The following STPG1 variants were observed in gnomAD, a reference collection of about 807,000 sequenced individuals.
STPG1 encodes the protein sperm tail PG-rich repeat containing 1.
STPG1 carries 33 observed loss-of-function variants against 40.1 expected under a neutral mutation model. The observed-to-expected ratio is 0.82, with a 90% CI of 0.62 to 1.10. STPG1 has a LOEUF of 1.10. Ranked by LOEUF, STPG1 falls within the 50% of genes least tolerant of loss-of-function variation. The pLI is 0.00. For missense variants in STPG1, 396 were observed against 415.1 expected (o/e 0.95, Z 0.40); for synonymous variants, 150 against 155.0 (o/e 0.97, Z 0.24).
Position 24,357,768 on chromosome 1 carries a change from T to C in STPG1, c.*775A>G, listed in dbSNP as rs1640817107. 1 of 192,726 alleles carries C rather than the reference T, an allele frequency of 5.2e-6. No homozygotes were observed. Among genetic ancestry groups the C allele is most frequent in the Admixed American group, 5.3e-5 (1 of 18,884 alleles). The allele number at this position is 192,726 out of a possible 1,614,324, so 11.9% of individuals were successfully genotyped here. A position where few individuals can be genotyped will look rare whatever the true frequency, so the allele number is the denominator to read the frequency against. On this transcript the variant is annotated 3_prime_UTR_variant, in exon 9 of 9. Coordinates refer to ENST00000337248, the MANE Select transcript of STPG1 (RefSeq NM_001199013.2). ...GGGCACATTTCTTTTTCCCTCCACA[T>C]AGAGAGACGAAAGCTATCAGGCCTA...
intron 2 of STPG1, among the ~76,000 whole-genome samples, chr1:24,392,716 TGGCACC>T (rs1642829330): frequency 6.6e-6 from 1 of 152,186 alleles, no homozygotes; most frequent in East Asian, 1.9e-4. Flanking sequence ...AGCGTGTGTG[TGGCACC>T]GTAAGTCTTG....
At position 24,379,822 on chromosome 1, in the gene STPG1, C is replaced by T. The variant is rs145294929; in HGVS notation, c.293G>A (p.Cys98Tyr). The stretch of plus-strand genomic sequence containing the variant: ...AGAAATGATGGTGTCCAATCGGGCG[C>T]ACTGTAAGGAGACAACCAAAGGAAT... ...KKGTCMFPSMCARLDTIISKY... is the reference protein window; with the variant it reads ...KKGTCMFPSMYARLDTIISKY... Residue 98 changes from cysteine (C) to tyrosine (Y), a missense_variant and splice_region_variant, in exon 5 of 9, where the codon TGC becomes TAC. Physicochemically the swap from Cys to Tyr is radical, Grantham distance 194 (BLOSUM62 -2). Coordinates refer to ENST00000337248, the MANE Select transcript of STPG1 (RefSeq NM_001199013.2). The T allele has an allele frequency of 1.1e-5, 18 of 1,613,570 alleles. No homozygotes were observed. The highest frequency in any genetic ancestry group is 1.4e-5 in the Non-Finnish European group (17 of 1,179,570).
intron 4 of STPG1, among the ~76,000 whole-genome samples, chr1:24,382,729 G>T (rs1317194194): frequency 6.6e-6 from 1 of 152,002 alleles, no homozygotes; most frequent in Middle Eastern, 3.4e-3. Context: ...TGCCAAATTC[G>T]AATTCCAATA....
intron 4 of STPG1, among the ~76,000 whole-genome samples, chr1:24,381,467 A>T (rs1570037644): frequency 6.6e-6 from 1 of 152,154 alleles, no homozygotes; most frequent in Admixed American, 6.5e-5. Context: ...TCCAGCACCT[A>T]CTAACTTTTC....
At position 24,379,683 on chromosome 1, in the gene STPG1, C is replaced by T. The variant is rs2148695222; in HGVS notation, c.432G>A (p.Lys144=). The T allele has an allele frequency of 6.2e-7, 1 of 1,614,226 alleles. No individual in the cohort carries two copies. Among genetic ancestry groups the T allele is most frequent in the Non-Finnish European group, 8.5e-7 (1 of 1,180,042 alleles). ...AATAGTTTGGTGCAGGAGTTTCAAACTTGAGAGCTTTCATAAAGCTTGGCA... is the reference window on the plus strand; with the variant it reads ...AATAGTTTGGTGCAGGAGTTTCAAATTTGAGAGCTTTCATAAAGCTTGGCA... ...FQLPSFMKAL[K]FETPAPNYYN... The change falls in exon 5 of 9, where the codon AAG becomes AAA. Residue 144 remains lysine, a synonymous_variant. Transcript: ENST00000337248.
intron 2 of STPG1, 65 bp downstream of exon 2, chr1:24,401,254 T>C: frequency 1.4e-6 from 2 of 1,443,310 alleles, no homozygotes; most frequent in Admixed American, 3.4e-5. Flanking sequence ...CCCCCCAAAT[T>C]TGCTCTTATG....
At chr1:24,368,915 G>C in intron 7 of STPG1, 1 of 165,330 alleles carries the variant, frequency 6.0e-6, no homozygotes, top group East Asian at 1.7e-4. Context: ...ATGTTGGCCA[G>C]ACTGGTCTCG....
chr1:24,368,605 G>A (rs1184996948), intron 7 of STPG1: 2 of 152,154 alleles, frequency 1.3e-5, no homozygotes, highest in Non-Finnish European at 2.9e-5. Flanking sequence ...AAATGTGTAG[G>A]ATATTAAACA....
At chr1:24,383,239 C>A (rs1254058747) in intron 4 of STPG1, among the ~76,000 whole-genome samples, 1 of 152,172 alleles carries the variant, frequency 6.6e-6, no homozygotes, top group Admixed American at 6.5e-5. Flanking sequence ...CCTCAGGTAG[C>A]CTTACCCTAG....
chr1:24,386,825 C>A (rs1221395699), intron 3 of STPG1, among the ~76,000 whole-genome samples: 1 of 152,102 alleles, frequency 6.6e-6, no homozygotes. Flanking sequence ...TTGGCAAAAA[C>A]CAAATAAACA....
chr1:24,358,542 C>A lies in STPG1; in HGVS notation c.*1G>T. The A allele has an allele frequency of 6.2e-7, 1 of 1,613,156 alleles. No homozygotes were observed. ...GTTCTCCTTGACCTTGTGTGACATC[C>A]CTACAGAACCGGGATCCATTTCTTG... On this transcript the variant is annotated 3_prime_UTR_variant, in exon 9 of 9. Coordinates refer to ENST00000337248, the MANE Select transcript of STPG1 (RefSeq NM_001199013.2).
Position 24,379,782 on chromosome 1 carries a change from C to A in STPG1, c.333G>T (p.Ala111=), listed in dbSNP as rs138910562. 1 of 1,614,036 alleles carries A rather than the reference C, an allele frequency of 6.2e-7. No individual in the cohort carries two copies. Among genetic ancestry groups the A allele is most frequent in the Non-Finnish European group, 8.5e-7 (1 of 1,179,946 alleles). ...AATCCGATGGGATAGTGTATGCATT[C>A]GCTGCAGGGTATTTAGAAATGATGG... ...LDTIISKYPA[A]NAYTIPSDFI... The change falls in exon 5 of 9, where the codon GCG becomes GCT. Residue 111 remains alanine, a synonymous_variant. Transcript: ENST00000337248.
chr1:24,369,215 A>T (rs1425592531), intron 7 of STPG1: 5 of 388,878 alleles, frequency 1.3e-5, no homozygotes, highest in African/African-American at 2.1e-5. Flanking sequence ...TGAGAGCTTG[A>T]CTGCTTCTGA....
chr1:24,406,116 TA>T (rs57716623), intron 1 of STPG1, among the ~76,000 whole-genome samples: 35,616 of 151,996 alleles, frequency 0.23, 4,641 homozygotes, highest in East Asian at 0.46. Flanking sequence ...TCCTACTTGT[TA>T]TATTGGCCCT....
chr1:24,375,946 T>C (rs541724020), intron 5 of STPG1, among the ~76,000 whole-genome samples: 7 of 152,202 alleles, frequency 4.6e-5, no homozygotes, highest in Non-Finnish European at 8.8e-5. Flanking sequence ...AGAAAATGCA[T>C]GTGTGCTGTG....
intron 5 of STPG1, among the ~76,000 whole-genome samples, chr1:24,375,422 G>T (rs1641976596): frequency 2.0e-5 from 3 of 152,114 alleles, no homozygotes; most frequent in Non-Finnish European, 4.4e-5. Context: ...ATGGCATTTT[G>T]ATTTTGTGTT....
At chr1:24,407,163 T>A (rs773890623) in intron 1 of STPG1, among the ~76,000 whole-genome samples, 1 of 152,204 alleles carries the variant, frequency 6.6e-6, no homozygotes, top group Non-Finnish European at 1.5e-5. Context: ...TTTATTTTCA[T>A]GGTACCTTGG....
chr1:24,404,936 C>T (rs1291476607), intron 1 of STPG1, among the ~76,000 whole-genome samples: 2 of 152,026 alleles, frequency 1.3e-5, no homozygotes, highest in Admixed American at 1.3e-4. Flanking sequence ...TTCCTGCTTA[C>T]TTTGGGTTTC....
At chr1:24,374,263 T>G (rs933920834) in intron 5 of STPG1, among the ~76,000 whole-genome samples, 11 of 135,484 alleles carry the variant, frequency 8.1e-5, no homozygotes, top group South Asian at 2.6e-4. Context: ...TTTTGTTTTT[T>G]TTTTTTTTTT....
Sources: gnomAD v4.1 joint callset for allele counts (sites outside exome capture counted in the v4.1 genomes callset) on GRCh38, gnomAD v4.1.1 for gene constraint, MANE v1.5 for transcripts, NCBI Gene and HGNC (gene_info 2026-07-23, HGNC 2026-07-21) for gene names.